Variants in NUP205 observed in about 807,000 individuals in gnomAD.
NUP205 encodes nuclear pore complex protein Nup205.
NUP205 carries 76 observed loss-of-function variants against 253.8 expected under a neutral mutation model. The ratio of observed to expected loss-of-function variants is 0.30; its 90% CI spans 0.25 to 0.36. The LOEUF is 0.36. NUP205 is among the 10% of genes least tolerant of loss of function. The probability of loss-of-function intolerance (pLI) is 1.00; values close to 1 mark genes in which losing one functional copy is unlikely to be tolerated. For synonymous variants in NUP205, 832 were observed against 850.1 expected, an observed-to-expected ratio of 0.98 and a Z score of 0.37; for missense variants, 2,162 against 2,425.5, an observed-to-expected ratio of 0.89 and a Z score of 2.28.
intron 11 of NUP205, among the ~76,000 whole-genome samples, chr7:135,592,548 T>C (rs1416013371): frequency 6.6e-6 from 1 of 152,242 alleles, no homozygotes; most frequent in Non-Finnish European, 1.5e-5. Flanking sequence ...ACACCGCTTA[T>C]GCAGGACAGA....
intron 30 of NUP205, among the ~76,000 whole-genome samples, chr7:135,620,504 C>T (rs1020698171): frequency 6.6e-6 from 1 of 152,150 alleles, no homozygotes; most frequent in East Asian, 1.9e-4. Flanking sequence ...CCAGCCTGGG[C>T]AACAAGAGTG....
At chr7:135,611,075 G>A (rs1794220256) in intron 22 of NUP205, among the ~76,000 whole-genome samples, 2 of 149,800 alleles carry the variant, frequency 1.3e-5, no homozygotes, top group South Asian at 4.2e-4. Flanking sequence ...GTGTGGTCTC[G>A]GCTCACTGCA....
chr7:135,570,788 T>TAATATATATTATATTAA (rs35185893), intron 1 of NUP205, among the ~76,000 whole-genome samples: 3 of 48,958 alleles, frequency 6.1e-5, no homozygotes, highest in Non-Finnish European at 1.1e-4. Flanking sequence ...TTAATTATAT[T>TAATATATATTATATTAA]TATATATTAT....
At chr7:135,577,197 A>T in intron 5 of NUP205, 69 bp downstream of exon 5, 1 of 1,433,194 alleles carries the variant, frequency 7.0e-7, no homozygotes, top group Non-Finnish European at 9.5e-7. Context: ...TGACAATTAG[A>T]ATGTTCATTT....
chr7:135,620,348 A>G (rs759158277), intron 30 of NUP205, among the ~76,000 whole-genome samples: 25 of 152,190 alleles, frequency 1.6e-4, no homozygotes, highest in East Asian at 3.9e-4. Context: ...AGCTTGGCCA[A>G]TATGGTGAAA....
At chr7:135,582,742 G>C (rs1306370945) in intron 7 of NUP205, among the ~76,000 whole-genome samples, 2 of 151,912 alleles carry the variant, frequency 1.3e-5, no homozygotes, top group Non-Finnish European at 2.9e-5. Context: ...TTACAGGCAT[G>C]AGCCACCACA....
intron 30 of NUP205, 42 bp downstream of exon 30, chr7:135,619,930 T>C (rs1001493302): frequency 6.2e-6 from 8 of 1,298,038 alleles, no homozygotes; most frequent in Non-Finnish European, 8.8e-6. Flanking sequence ...GATTGGGAGA[T>C]GGTTACTTTA....
chr7:135,630,519 C>T (rs1430186748), intron 35 of NUP205, 49 bp downstream of exon 35: 3 of 1,519,554 alleles, frequency 2.0e-6, no homozygotes, highest in South Asian at 2.5e-5. Context: ...TAAAGACTGA[C>T]ATAAATTAAT....
intron 2 of NUP205, 149 bp from the exon 3 acceptor site, chr7:135,573,505 A>G (rs1806058050): frequency 7.7e-6 from 4 of 517,158 alleles, no homozygotes; most frequent in Non-Finnish European, 1.3e-5. Context: ...ATTACTTCAT[A>G]AAAGTCTGTT....
intron 7 of NUP205, among the ~76,000 whole-genome samples, chr7:135,581,882 G>C (rs1806316189): frequency 6.6e-6 from 1 of 151,794 alleles, no homozygotes; most frequent in South Asian, 2.1e-4. Context: ...AAAAAACCAA[G>C]CATTTTTGTA....
chr7:135,645,678 G>A (rs571189583), intron 41 of NUP205, 82 bp downstream of exon 41: 186 of 1,396,646 alleles, frequency 1.3e-4, no homozygotes, highest in Non-Finnish European at 1.7e-4. Flanking sequence ...TTTTATTTTT[G>A]TTTCCAGATT....
Position 135,646,706 on chromosome 7 carries a change from AC to A in NUP205, c.5886+476del, listed in dbSNP as rs550927213. On this transcript the variant is annotated intron_variant, in intron 42 of 42. Coordinates refer to ENST00000285968, the MANE Select transcript of NUP205 (RefSeq NM_015135.3). Reference sequence around the variant, plus strand: ...GGTTGCTTACAGACACCTGGTTTGAACTCTAGCTTGACCATTTTAACAGCTA... The same window carrying A: ...GGTTGCTTACAGACACCTGGTTTGAATCTAGCTTGACCATTTTAACAGCTA... Among the ~76,000 whole-genome samples, 23 of 152,230 alleles carry A rather than the reference AC, an allele frequency of 1.5e-4. No homozygotes were observed. The East Asian group carries it at 4.4e-3, about 29-fold the overall frequency.
At chr7:135,639,014 A>G (rs573830522) in intron 38 of NUP205, among the ~76,000 whole-genome samples, 81 of 152,348 alleles carry the variant, frequency 5.3e-4, no homozygotes, top group African/African-American at 1.8e-3. Flanking sequence ...ATGTTAAATC[A>G]TGTTAAGCTG....
At chr7:135,596,286 A>G (rs1231566153) in intron 13 of NUP205, among the ~76,000 whole-genome samples, 1 of 152,200 alleles carries the variant, frequency 6.6e-6, no homozygotes, top group African/African-American at 2.4e-5. Flanking sequence ...TCTGACATAC[A>G]TATCCTGAAG....
chr7:135,578,640 T>G (rs1374771298), intron 6 of NUP205, 111 bp from the exon 7 acceptor site: 2 of 712,316 alleles, frequency 2.8e-6, no homozygotes, highest in Non-Finnish European at 4.6e-6. Flanking sequence ...AATTGGTCAT[T>G]ATTCTTCTGT....
At chr7:135,627,270 C>T (rs2129491830) in intron 33 of NUP205, among the ~76,000 whole-genome samples, 1 of 152,256 alleles carries the variant, frequency 6.6e-6, no homozygotes, top group Non-Finnish European at 1.5e-5. Context: ...CTGAGACCTA[C>T]TCTGAAAGGT....
chr7:135,630,325 T>C lies in NUP205; in HGVS notation c.4933-19T>C, dbSNP rs1794683135. On this transcript the variant is annotated intron_variant, in intron 34 of 42. Transcript: ENST00000285968. ...CTTCTACCTGTTTTTTCTATTCCTC[T>C]TCCTTTTCAATGGCTTAGGTATTGC... 3 of 1,535,908 alleles carry C rather than the reference T, an allele frequency of 2.0e-6. No individual in the cohort carries two copies. The highest frequency in any genetic ancestry group is 2.8e-5 in the African/African-American group (2 of 71,700).
intron 38 of NUP205, among the ~76,000 whole-genome samples, chr7:135,640,509 C>G (rs899281618): frequency 3.9e-5 from 6 of 152,154 alleles, no homozygotes; most frequent in Non-Finnish European, 7.3e-5. Flanking sequence ...TTGATTGTTT[C>G]CTTCCACTCC....
chr7:135,569,964 G>C (rs568959255), intron 1 of NUP205, among the ~76,000 whole-genome samples: 22 of 150,738 alleles, frequency 1.5e-4, no homozygotes, highest in Non-Finnish European at 2.9e-4. Flanking sequence ...ACTGGACTGT[G>C]TGTTTTCCTT....
Sources: allele counts gnomAD v4.1 joint callset (sites outside exome capture counted in the v4.1 genomes callset), GRCh38; gene constraint gnomAD v4.1.1; transcripts MANE v1.5; gene names NCBI Gene and HGNC (gene_info 2026-07-23, HGNC 2026-07-21).